Variants in ADCY5 observed in about 807,000 individuals in gnomAD.
ADCY5 encodes adenylate cyclase type 5.
Under a neutral mutation model 119.7 loss-of-function variants are expected in ADCY5, and 30 were observed. The ratio of observed to expected loss-of-function variants is 0.25; its 90% CI spans 0.19 to 0.34. The LOEUF is 0.34. Among genes scored for constraint, ADCY5 ranks in the 10% least tolerant of loss-of-function variants. The pLI, the probability that ADCY5 is intolerant of heterozygous loss-of-function variation, is 1.00. For synonymous variants in ADCY5, 753 were observed against 762.2 expected, an observed-to-expected ratio of 0.99 and a Z score of 0.20; for missense variants, 1,324 against 1,775.2, an observed-to-expected ratio of 0.75 and a Z score of 4.57.
chr3:123,398,556 C>G (rs931731628), intron 1 of ADCY5, among the ~76,000 whole-genome samples: 1 of 152,162 alleles, frequency 6.6e-6, no homozygotes, highest in Non-Finnish European at 1.5e-5. Context: ...CCATTTTCAT[C>G]CAATCACTCT....
chr3:123,435,889 T>TATC (rs1559878250), intron 1 of ADCY5, among the ~76,000 whole-genome samples: 2 of 145,644 alleles, frequency 1.4e-5, no homozygotes, highest in African/African-American at 5.0e-5. Flanking sequence ...TTATTATTAT[T>TATC]ATTATTATTA....
At chr3:123,389,094 A>C (rs1944323614) in intron 1 of ADCY5, among the ~76,000 whole-genome samples, 1 of 152,178 alleles carries the variant, frequency 6.6e-6, no homozygotes, top group Non-Finnish European at 1.5e-5. Context: ...TGCCTTGGGC[A>C]GGAGAAGGAA....
intron 1 of ADCY5, among the ~76,000 whole-genome samples, chr3:123,389,912 TG>T (rs5852334): frequency 7.2e-5 from 11 of 151,870 alleles, no homozygotes; most frequent in Non-Finnish European, 1.3e-4. Context: ...CTTAGCTCTA[TG>T]GGGGGCTACA....
chr3:123,379,544 G>T lies in ADCY5; in HGVS notation c.1135-26963C>A, dbSNP rs183382223. Among the ~76,000 whole-genome samples the T allele has an allele frequency of 1.9e-3, 293 of 152,286 alleles. 1 individual carries two copies. The highest frequency in any genetic ancestry group is 0.012 in the Admixed American group (184 of 15,308). ...AAGAACCTTGAGAGAGCCCAGAACA[G>T]CAATCCGGCAGCCACCATCGCTGCT... On this transcript the variant is annotated intron_variant, in intron 1 of 20. Transcript: ENST00000462833.
intron 1 of ADCY5, among the ~76,000 whole-genome samples, chr3:123,412,844 T>C (rs1442196578): frequency 1.3e-5 from 2 of 150,138 alleles, no homozygotes; most frequent in Non-Finnish European, 2.9e-5. Flanking sequence ...GTCATGGTTA[T>C]GTGCTTCGTT....
rs75867257 is a variant in ADCY5, at chr3:123,318,196, A to G, written c.2257-79T>C. 40,694 of 1,154,832 alleles carry G rather than the reference A, an allele frequency of 0.035. 3,723 individuals carry two copies. The highest frequency in any genetic ancestry group is 0.25 in the African/African-American group (16,593 of 65,504). The allele number at this position is 1,154,832 out of a possible 1,614,324, so 71.5% of individuals were successfully genotyped here. On this transcript the variant is annotated intron_variant, in intron 10 of 20. Transcript: ENST00000462833. Reference sequence around the variant, plus strand: ...CCAGCCCTGTCAATCCCACACACCCAGGGAAGCCACTCATGGCTGGTCACC... The same window carrying G: ...CCAGCCCTGTCAATCCCACACACCCGGGGAAGCCACTCATGGCTGGTCACC...
rs1381404017 is a variant in ADCY5, at chr3:123,352,656, CT to C, written c.1135-76del. On this transcript the variant is annotated intron_variant, in intron 1 of 20. Coordinates refer to ENST00000462833, the MANE Select transcript of ADCY5 (RefSeq NM_183357.3). The surrounding 1 kb of genome is among the most constrained non-coding windows in gnomAD (Gnocchi z 4.8). ...CCCCAAAGCATGAAGCCCTCAGCCC[CT>C]GTCTCAGCAAACTCACACCTGGCGC... 52 of 1,495,700 alleles carry C rather than the reference CT, an allele frequency of 3.5e-5. No homozygotes were observed. Among genetic ancestry groups the C allele is most frequent in the Non-Finnish European group, 3.3e-5 (37 of 1,113,374 alleles). 92.7% of individuals were successfully genotyped at this position (1,495,700 alleles called of 1,614,324 possible).
rs1942212093 is a variant in ADCY5 at position 123,340,153 on chromosome 3, G to A, written c.1407-7478C>T. Among the ~76,000 whole-genome samples the A allele has an allele frequency of 3.3e-5, 5 of 152,182 alleles. No homozygotes were observed. In the South Asian group the frequency reaches 1.0e-3, roughly 32 times the overall value. ...AAAAAAATTTAAAAATCAGCCAGGT[G>A]TGGCAGCAGGCACCTGGGGTCCGAG... On this transcript the variant is annotated intron_variant, in intron 3 of 20. Transcript: ENST00000462833.
At chr3:123,379,384 CT>C (rs1337441297) in intron 1 of ADCY5, among the ~76,000 whole-genome samples, 4 of 152,092 alleles carry the variant, frequency 2.6e-5, no homozygotes, top group Non-Finnish European at 5.9e-5. Context: ...CATGACCTTC[CT>C]GGACCATGAC....
chr3:123,417,644 G>A (rs1191535595), intron 1 of ADCY5, among the ~76,000 whole-genome samples: 4 of 152,192 alleles, frequency 2.6e-5, no homozygotes, highest in African/African-American at 9.7e-5. Context: ...CATGAGCCAT[G>A]GGACAGTATC....
intron 1 of ADCY5, among the ~76,000 whole-genome samples, chr3:123,405,826 G>A (rs2107616042): frequency 6.6e-6 from 1 of 152,150 alleles, no homozygotes; most frequent in African/African-American, 2.4e-5. Flanking sequence ...GTAGAGATGG[G>A]GTTTCACGAT....
chr3:123,286,936 G>C lies in ADCY5; in HGVS notation c.3533-127C>G, dbSNP rs529575757. On this transcript the variant is annotated intron_variant, in intron 19 of 20. Transcript: ENST00000462833. The surrounding 1 kb of genome is among the most constrained non-coding windows in gnomAD (Gnocchi z 4.2). ...GACACCCGTGGGCTTCCAGGCCCAAGGCTGTGCTAAACCCTGCAGCCTCCC... is the reference window on the plus strand; with the variant it reads ...GACACCCGTGGGCTTCCAGGCCCAACGCTGTGCTAAACCCTGCAGCCTCCC... 7.4e-7 allele frequency: 1 copy of C among 1,355,424 alleles called. No homozygotes were observed. The highest frequency in any genetic ancestry group is 1.5e-5 in the African/African-American group (1 of 68,084). 84.0% of individuals were successfully genotyped at this position (1,355,424 alleles called of 1,614,324 possible).
chr3:123,307,029 A>T (rs1245315270), intron 12 of ADCY5, among the ~76,000 whole-genome samples: 2 of 152,106 alleles, frequency 1.3e-5, no homozygotes, highest in Non-Finnish European at 2.9e-5. Flanking sequence ...AGATGTCCAG[A>T]ACATGTGAAT....
intron 1 of ADCY5, among the ~76,000 whole-genome samples, chr3:123,375,429 G>C (rs1161092227): frequency 6.6e-6 from 1 of 152,212 alleles, no homozygotes; most frequent in African/African-American, 2.4e-5. Context: ...GAAGACTCTG[G>C]GACCCAGTGG....
At chr3:123,295,869 G>A (rs1939467456) in intron 17 of ADCY5, among the ~76,000 whole-genome samples, 1 of 152,248 alleles carries the variant, frequency 6.6e-6, no homozygotes. Context: ...TGTCTGCACA[G>A]AGTAAGTCCC....
intron 3 of ADCY5, among the ~76,000 whole-genome samples, chr3:123,346,183 G>A (rs1576603798): frequency 1.3e-5 from 2 of 152,226 alleles, no homozygotes; most frequent in Admixed American, 1.3e-4. Context: ...GGCCAAGGTG[G>A]GTGGGAGAAG....
chr3:123,368,752 CAA>C (rs34756449), intron 1 of ADCY5, among the ~76,000 whole-genome samples: 24 of 134,194 alleles, frequency 1.8e-4, no homozygotes, highest in Middle Eastern at 3.8e-3. Flanking sequence ...ACTGTGTCTC[CAA>C]AAAAAAAAAA....
chr3:123,351,871 C>T (rs1576611520), intron 2 of ADCY5, among the ~76,000 whole-genome samples: 1 of 152,226 alleles, frequency 6.6e-6, no homozygotes, highest in East Asian at 1.9e-4. Flanking sequence ...AATGGCCTGC[C>T]TTCCCTGACC....
At chr3:123,406,421 G>T (rs1944902436) in intron 1 of ADCY5, among the ~76,000 whole-genome samples, 1 of 152,222 alleles carries the variant, frequency 6.6e-6, no homozygotes, top group South Asian at 2.1e-4. Context: ...TTTCCACGGT[G>T]GTTGTCTCCC....
Sources: allele counts gnomAD v4.1 joint callset (sites outside exome capture counted in the v4.1 genomes callset), GRCh38; gene constraint gnomAD v4.1.1; non-coding constraint Gnocchi (gnomAD v3.1); transcripts MANE v1.5; gene names NCBI Gene and HGNC (gene_info 2026-07-23, HGNC 2026-07-21).